The following IMMP2L variants were observed in gnomAD, a reference collection of about 807,000 sequenced individuals.
The protein encoded by IMMP2L is mitochondrial inner membrane protease subunit 2.
A neutral mutation model predicts 19.3 loss-of-function variants in IMMP2L; 18 were observed. The ratio of observed to expected loss-of-function variants is 0.93; its 90% CI spans 0.64 to 1.38. IMMP2L has a LOEUF of 1.38. Ranked by LOEUF, IMMP2L falls within the 40% of genes most tolerant of loss-of-function variation. IMMP2L has a pLI of 0.00. For synonymous variants in IMMP2L, 76 were observed against 73.0 expected (o/e 1.04, Z -0.21); for missense variants, 233 against 218.2 (o/e 1.07, Z -0.43).
chr7:110,669,052 C>CGTGT (rs1165734674), intron 5 of IMMP2L, among the ~76,000 whole-genome samples: 182 of 65,306 alleles, frequency 2.8e-3, no homozygotes, highest in Admixed American at 4.4e-3. Flanking sequence ...TGTGTGTGTG[C>CGTGT]GTGTGTGTGT....
intron 3 of IMMP2L, among the ~76,000 whole-genome samples, chr7:111,354,016 C>A (rs115900883): frequency 0.021 from 3,266 of 151,980 alleles, 122 homozygotes; most frequent in African/African-American, 0.075. Flanking sequence ...AGTGGTAAGA[C>A]CAGATATTAC....
At chr7:110,816,372 A>T (rs7804159) in intron 5 of IMMP2L, among the ~76,000 whole-genome samples, 144,483 of 151,890 alleles carry the variant, frequency 0.95, 68,739 homozygotes, top group East Asian at 0.98. Flanking sequence ...TGCTGAGGAG[A>T]GCTTTACTTC....
intron 1 of IMMP2L, among the ~76,000 whole-genome samples, chr7:111,561,331 T>C (rs1792019747): frequency 6.6e-6 from 1 of 152,178 alleles, no homozygotes; most frequent in African/African-American, 2.4e-5. Flanking sequence ...TCTTCTTCTG[T>C]AAGCTTGAGA....
At chr7:110,880,575 G>C (rs1265867974) in intron 5 of IMMP2L, among the ~76,000 whole-genome samples, 1 of 151,822 alleles carries the variant, frequency 6.6e-6, no homozygotes, top group African/African-American at 2.4e-5. Flanking sequence ...TTCAATAGTA[G>C]ACTTTTTTTG....
At chr7:110,672,380 T>G (rs566570575) in intron 5 of IMMP2L, among the ~76,000 whole-genome samples, 1 of 152,224 alleles carries the variant, frequency 6.6e-6, no homozygotes, top group Non-Finnish European at 1.5e-5. Flanking sequence ...GGAATTACAA[T>G]TCAGGATGAG....
At chr7:111,167,890 G>A (rs773613206) in intron 3 of IMMP2L, among the ~76,000 whole-genome samples, 9 of 151,858 alleles carry the variant, frequency 5.9e-5, no homozygotes, top group Admixed American at 1.3e-4. Flanking sequence ...TTCATGAACC[G>A]GAATAATACC....
At chr7:111,044,799 T>G in intron 3 of IMMP2L, among the ~76,000 whole-genome samples, 1 of 152,156 alleles carries the variant, frequency 6.6e-6, no homozygotes, top group Admixed American at 6.6e-5. Flanking sequence ...AAGTGGGCTT[T>G]AAGTGAACTA....
At chr7:111,103,209 A>C (rs187838047) in intron 3 of IMMP2L, among the ~76,000 whole-genome samples, 2 of 151,712 alleles carry the variant, frequency 1.3e-5, no homozygotes, top group African/African-American at 2.4e-5. Context: ...TCATCTCAAA[A>C]AACCTGTATT....
chr7:110,947,911 G>C (rs575478892), intron 4 of IMMP2L, among the ~76,000 whole-genome samples: 2 of 152,270 alleles, frequency 1.3e-5, no homozygotes, highest in Non-Finnish European at 2.9e-5. Flanking sequence ...TTGATTCCCA[G>C]ATGTCCAGTT....
chr7:111,137,848 A>G (rs938832984), intron 3 of IMMP2L, among the ~76,000 whole-genome samples: 2 of 152,198 alleles, frequency 1.3e-5, no homozygotes, highest in Admixed American at 6.6e-5. Context: ...GTTTTTAGAC[A>G]GGGTCTCACT....
chr7:111,476,368 T>C (rs1841726152), intron 3 of IMMP2L, among the ~76,000 whole-genome samples: 1 of 152,214 alleles, frequency 6.6e-6, no homozygotes, highest in Non-Finnish European at 1.5e-5. Context: ...TAATCTTTTG[T>C]AAAAGTACAT....
intron 5 of IMMP2L, among the ~76,000 whole-genome samples, chr7:110,805,354 A>G (rs549194427): frequency 6.6e-6 from 1 of 152,082 alleles, no homozygotes; most frequent in African/African-American, 2.4e-5. Context: ...TTGTTAAATT[A>G]ACAGAACCTA....
intron 5 of IMMP2L, chr7:110,724,408 T>C (rs1795762677): frequency 6.6e-6 from 1 of 152,210 alleles, no homozygotes; most frequent in Non-Finnish European, 1.5e-5. Flanking sequence ...GTATCTTCAA[T>C]GACATCTTTT....
At chr7:110,939,773 T>C (rs530856860) in intron 4 of IMMP2L, among the ~76,000 whole-genome samples, 1 of 152,186 alleles carries the variant, frequency 6.6e-6, no homozygotes, top group African/African-American at 2.4e-5. Flanking sequence ...GCATCAACAA[T>C]AGAACATAGC....
chr7:111,223,590 A>G (rs1745219011), intron 3 of IMMP2L, among the ~76,000 whole-genome samples: 1 of 152,126 alleles, frequency 6.6e-6, no homozygotes, highest in Non-Finnish European at 1.5e-5. Context: ...AGCCTTTTGT[A>G]TTACTAATCC....
intron 5 of IMMP2L, among the ~76,000 whole-genome samples, chr7:110,676,469 G>T (rs1466293125): frequency 6.6e-6 from 1 of 152,202 alleles, no homozygotes; most frequent in Non-Finnish European, 1.5e-5. Context: ...GACAGGCAGA[G>T]GTTCTAGCTC....
chr7:111,065,906 G>GTT (rs893233391), intron 3 of IMMP2L, among the ~76,000 whole-genome samples: 1 of 150,666 alleles, frequency 6.6e-6, no homozygotes, highest in Non-Finnish European at 1.5e-5. Flanking sequence ...TACAATGTGT[G>GTT]TGTGTGTGCG....
chr7:111,538,633 T>TACA (rs1554542267), intron 1 of IMMP2L, among the ~76,000 whole-genome samples: 2 of 97,198 alleles, frequency 2.1e-5, no homozygotes, highest in African/African-American at 8.4e-5. Flanking sequence ...ACCCTGTCTC[T>TACA]AAAAAAAAAA....
chr7:110,723,858 A>G (rs746164092), intron 5 of IMMP2L, among the ~76,000 whole-genome samples: 17 of 137,228 alleles, frequency 1.2e-4, no homozygotes, highest in Admixed American at 2.9e-4. Flanking sequence ...AGGGAAAGGG[A>G]AAAAAAAAAA....
Sources: allele counts gnomAD v4.1 joint callset (sites outside exome capture counted in the v4.1 genomes callset), GRCh38; gene constraint gnomAD v4.1.1; transcripts MANE v1.5; gene names NCBI Gene and HGNC (gene_info 2026-07-23, HGNC 2026-07-21).